NRXN3: variants seen among roughly 807,000 people sequenced by gnomAD.
NRXN3 encodes neurexin III.
A neutral mutation model predicts 137.6 loss-of-function variants in NRXN3; 32 were observed. That is an observed-to-expected ratio of 0.23 (90% CI 0.18 to 0.31). NRXN3 has a LOEUF of 0.31. NRXN3 is among the 10% of genes least tolerant of loss of function. NRXN3 has a pLI of 1.00. For synonymous variants in NRXN3, 798 were observed against 784.5 expected, an observed-to-expected ratio of 1.02 and a Z score of -0.29; for missense variants, 1,574 against 2,062.5, an observed-to-expected ratio of 0.76 and a Z score of 4.59.
At chr14:78,835,700 C>A (rs2098994750) in intron 10 of NRXN3, among the ~76,000 whole-genome samples, 1 of 152,038 alleles carries the variant, frequency 6.6e-6, no homozygotes, top group South Asian at 2.1e-4. Context: ...ATGTACAGGT[C>A]CCAACTTTAT....
intron 8 of NRXN3, among the ~76,000 whole-genome samples, chr14:78,741,979 TG>T (rs981378269): frequency 6.6e-6 from 1 of 152,172 alleles, no homozygotes; most frequent in African/African-American, 2.4e-5. Flanking sequence ...GGAATGTTGG[TG>T]TCTTTGAACC....
chr14:78,718,526 A>G (rs1292190507), intron 8 of NRXN3, among the ~76,000 whole-genome samples: 1 of 152,152 alleles, frequency 6.6e-6, no homozygotes, highest in Non-Finnish European at 1.5e-5. Context: ...GAGTCAGAGA[A>G]TAAGGCCTGG....
rs552874215 is a variant in NRXN3, at chr14:79,457,819, T to TA, written c.3263-9396dup. ...TTAGCTACCCCTTCATTGTTCTTAT[T>TA]AAAAAAGGTATTTCAAGGCTGTGAA... On this transcript the variant is annotated intron_variant, in intron 15 of 20. Transcript: ENST00000335750. 1.1e-4 allele frequency among the ~76,000 whole-genome samples: 17 copies of TA among 152,172 alleles called. No individual in the cohort carries two copies. The East Asian group carries it at 3.3e-3, about 29-fold the overall frequency.
intron 4 of NRXN3, among the ~76,000 whole-genome samples, chr14:78,494,009 C>G (rs551684522): frequency 6.6e-6 from 1 of 152,266 alleles, no homozygotes; most frequent in South Asian, 2.1e-4. Flanking sequence ...ATTTCTTTCC[C>G]TTGCTTTTCT....
chr14:79,397,690 T>C (rs1233776490), intron 15 of NRXN3, among the ~76,000 whole-genome samples: 3 of 152,212 alleles, frequency 2.0e-5, no homozygotes, highest in Non-Finnish European at 2.9e-5. Flanking sequence ...AAATTTGGCC[T>C]AAGTATTGGT....
chr14:78,371,244 AGAG>A (rs994996778), intron 4 of NRXN3, among the ~76,000 whole-genome samples: 61 of 152,210 alleles, frequency 4.0e-4, no homozygotes, highest in Admixed American at 4.0e-3. Flanking sequence ...CTGAACGTAG[AGAG>A]GAGAAGAAGC....
intron 20 of NRXN3, among the ~76,000 whole-genome samples, chr14:79,826,959 C>G (rs1887443203): frequency 6.6e-6 from 1 of 152,000 alleles, no homozygotes; most frequent in African/African-American, 2.4e-5. Flanking sequence ...AAGGAAGGAC[C>G]TGTGTTTCAT....
intron 17 of NRXN3, among the ~76,000 whole-genome samples, chr14:79,674,852 T>C (rs1319859989): frequency 1.3e-5 from 2 of 152,020 alleles, no homozygotes; most frequent in Non-Finnish European, 2.9e-5. Context: ...TTTCTCAGAG[T>C]TCAGTGGTGA....
rs1037119931 is a variant in NRXN3, at chr14:79,641,969, G to A, written c.3445-21809G>A. On this transcript the variant is annotated intron_variant, in intron 16 of 20. Transcript: ENST00000335750. ...GTTTTTCTTTATGGGACAATACTGC[G>A]TGATCGTGGCGTTCACATTTCTCCC... Among the ~76,000 whole-genome samples the A allele has an allele frequency of 1.3e-4, 18 of 135,342 alleles. 3 individuals carry two copies. The highest frequency in any genetic ancestry group is 3.4e-4 in the African/African-American group (14 of 40,700). 88.8% of individuals were successfully genotyped at this position (135,342 alleles called of 152,430 possible).
intron 15 of NRXN3, among the ~76,000 whole-genome samples, chr14:79,185,700 C>T (rs544873005): frequency 3.3e-5 from 5 of 152,042 alleles, no homozygotes; most frequent in South Asian, 2.1e-4. Flanking sequence ...CTCCTGACCT[C>T]GTGATCCGCC....
chr14:79,522,557 A>C (rs1198521083), intron 16 of NRXN3, among the ~76,000 whole-genome samples: 4 of 152,190 alleles, frequency 2.6e-5, no homozygotes, highest in Non-Finnish European at 2.9e-5. Flanking sequence ...TGACTCTTTT[A>C]AAAAAGAAAA....
intron 4 of NRXN3, among the ~76,000 whole-genome samples, chr14:78,502,870 G>A (rs2095906374): frequency 6.6e-6 from 1 of 152,170 alleles, no homozygotes; most frequent in Non-Finnish European, 1.5e-5. Context: ...GTGGTTGGCT[G>A]CTCTTAAGAT....
At chr14:79,674,763 G>A (rs1466293056) in intron 17 of NRXN3, among the ~76,000 whole-genome samples, 1 of 152,028 alleles carries the variant, frequency 6.6e-6, no homozygotes, top group African/African-American at 2.4e-5. Flanking sequence ...ATGTGCTTCT[G>A]CCTGATGCAC....
intron 10 of NRXN3, among the ~76,000 whole-genome samples, chr14:78,866,591 G>C (rs1484522404): frequency 6.6e-6 from 1 of 152,092 alleles, no homozygotes; most frequent in Non-Finnish European, 1.5e-5. Flanking sequence ...AAGTAGTACA[G>C]AGAAGCTCAT....
intron 15 of NRXN3, among the ~76,000 whole-genome samples, chr14:79,124,029 A>G (rs2055962812): frequency 6.6e-6 from 1 of 152,170 alleles, no homozygotes; most frequent in African/African-American, 2.4e-5. Flanking sequence ...TGAGCAACAA[A>G]TCTTGGCGTC....
At chr14:78,354,678 T>C (rs968217778) in intron 4 of NRXN3, among the ~76,000 whole-genome samples, 1 of 152,228 alleles carries the variant, frequency 6.6e-6, no homozygotes, top group Admixed American at 6.5e-5. Context: ...CATCACCTTT[T>C]GGCATCCAGT....
At chr14:79,723,516 A>AT (rs1215433066) in intron 19 of NRXN3, among the ~76,000 whole-genome samples, 1 of 152,072 alleles carries the variant, frequency 6.6e-6, no homozygotes, top group Non-Finnish European at 1.5e-5. Context: ...AGTCTGTGCT[A>AT]TTAATAACCT....
intron 15 of NRXN3, among the ~76,000 whole-genome samples, chr14:79,417,757 G>T (rs950723560): frequency 2.0e-5 from 3 of 152,024 alleles, no homozygotes; most frequent in African/African-American, 7.2e-5. Context: ...TACCATCAGC[G>T]TATTTCTATG....
intron 15 of NRXN3, among the ~76,000 whole-genome samples, chr14:79,305,497 A>G (rs2153225439): frequency 6.6e-6 from 1 of 152,186 alleles, no homozygotes; most frequent in Admixed American, 6.5e-5. Context: ...TACAGATGGA[A>G]GGAATCATAG....
Sources: gnomAD v4.1 joint callset for allele counts (sites outside exome capture counted in the v4.1 genomes callset) on GRCh38, gnomAD v4.1.1 for gene constraint, MANE v1.5 for transcripts, NCBI Gene and HGNC (gene_info 2026-07-23, HGNC 2026-07-21) for gene names.